PHF21B: variants seen among roughly 807,000 people sequenced by gnomAD.
The protein encoded by PHF21B is PHD finger protein 21B.
PHF21B carries 22 observed loss-of-function variants against 62.2 expected under a neutral mutation model. The observed-to-expected ratio is 0.35, with a 90% CI of 0.25 to 0.51. The LOEUF (loss-of-function observed/expected upper bound fraction) is 0.51. Ranked by LOEUF, PHF21B falls within the 20% of genes least tolerant of loss-of-function variation. PHF21B has a pLI of 0.97. For synonymous variants in PHF21B, 341 were observed against 314.7 expected (o/e 1.08, Z -0.88); for missense variants, 701 against 707.9 (o/e 0.99, Z 0.11).
chr22:44,932,684 G>A (rs2071764881), intron 2 of PHF21B, among the ~76,000 whole-genome samples: 1 of 152,262 alleles, frequency 6.6e-6, no homozygotes, highest in Non-Finnish European at 1.5e-5. Context: ...CCTGGAATCT[G>A]AGGGTGCACC....
intron 12 of PHF21B, among the ~76,000 whole-genome samples, chr22:44,884,882 C>A (rs1429237603): frequency 6.6e-6 from 1 of 151,894 alleles, no homozygotes; most frequent in Non-Finnish European, 1.5e-5. Flanking sequence ...ATCACCATTA[C>A]TACCATCACC....
At chr22:44,897,690 G>A (rs1000613910) in intron 5 of PHF21B, among the ~76,000 whole-genome samples, 1 of 152,106 alleles carries the variant, frequency 6.6e-6, no homozygotes, top group Non-Finnish European at 1.5e-5. Context: ...GATTTACAGG[G>A]AAGTTGCAAG....
intron 2 of PHF21B, chr22:45,002,135 T>A (rs923600470): frequency 2.0e-4 from 30 of 152,246 alleles, no homozygotes; most frequent in African/African-American, 6.5e-4. Context: ...CCTCTCATTT[T>A]AGTAACAGAC....
intron 8 of PHF21B, 41 bp from the exon 9 acceptor site, chr22:44,889,823 T>C: frequency 6.5e-7 from 1 of 1,538,340 alleles, no homozygotes; most frequent in East Asian, 2.5e-5. Context: ...TTAGTGGCCG[T>C]CAGAGGAGCA....
chr22:44,887,813 A>G, intron 10 of PHF21B, 150 bp downstream of exon 10: 1 of 778,898 alleles, frequency 1.3e-6, no homozygotes, highest in Non-Finnish European at 1.8e-6. Context: ...TCAACCAAGG[A>G]TTATCCAGCC....
At chr22:44,900,998 G>A (rs552975085) in intron 5 of PHF21B, among the ~76,000 whole-genome samples, 5 of 152,342 alleles carry the variant, frequency 3.3e-5, no homozygotes, top group Admixed American at 2.6e-4. Flanking sequence ...AAAAAGTGAA[G>A]CATCACCATA....
At chr22:44,963,904 A>C (rs2072473385) in intron 2 of PHF21B, among the ~76,000 whole-genome samples, 1 of 152,250 alleles carries the variant, frequency 6.6e-6, no homozygotes, top group Non-Finnish European at 1.5e-5. Flanking sequence ...CTTTGACTCA[A>C]ATCATTGACT....
rs568804595 is a variant in PHF21B at position 44,971,642 on chromosome 22, C to CTG, written c.120+36902_120+36903insCA. ...ACAACAGGGCCTGGCCCTTGGGCGG[C>CTG]TCTCTCTCTCCCTTCCCAGAAAACT... is the stretch of plus-strand genomic sequence containing the variant. On this transcript the variant is annotated intron_variant, in intron 2 of 12. Transcript: ENST00000313237. Among the ~76,000 whole-genome samples, 1,226 of 152,282 alleles carry CTG rather than the reference C, an allele frequency of 8.1e-3. 9 individuals are homozygous for CTG. The highest frequency in any genetic ancestry group is 0.012 in the Non-Finnish European group (845 of 68,018).
intron 7 of PHF21B, among the ~76,000 whole-genome samples, chr22:44,893,091 C>A (rs2070994642): frequency 6.6e-6 from 1 of 152,148 alleles, no homozygotes; most frequent in South Asian, 2.1e-4. Flanking sequence ...TGCACAGGCT[C>A]TAGACAAGGT....
intron 5 of PHF21B, among the ~76,000 whole-genome samples, chr22:44,905,857 T>A (rs929464884): frequency 6.6e-6 from 1 of 152,214 alleles, no homozygotes; most frequent in Non-Finnish European, 1.5e-5. Flanking sequence ...CTCAATCTCC[T>A]GACCTCGTGA....
At chr22:44,975,108 T>C (rs780513005) in intron 2 of PHF21B, among the ~76,000 whole-genome samples, 2 of 152,260 alleles carry the variant, frequency 1.3e-5, no homozygotes, top group East Asian at 1.9e-4. Context: ...ATCTGCACCC[T>C]TGGCTGAGGG....
chr22:44,931,915 A>G (rs891430078), intron 2 of PHF21B, among the ~76,000 whole-genome samples: 1 of 152,132 alleles, frequency 6.6e-6, no homozygotes, highest in African/African-American at 2.4e-5. Flanking sequence ...GCTCTCAGAG[A>G]AGGACTGGCA....
chr22:44,885,048 C>T (rs1424144738), intron 12 of PHF21B, among the ~76,000 whole-genome samples: 1 of 152,262 alleles, frequency 6.6e-6, no homozygotes, highest in Non-Finnish European at 1.5e-5. Context: ...TGCTGTCAAT[C>T]GCTTGATAAA....
At chr22:44,919,590 G>GA (rs1211703588) in intron 3 of PHF21B, among the ~76,000 whole-genome samples, 3 of 152,210 alleles carry the variant, frequency 2.0e-5, no homozygotes, top group Non-Finnish European at 4.4e-5. Flanking sequence ...TGAGCTGGGG[G>GA]AATCTGTCTA....
intron 2 of PHF21B, among the ~76,000 whole-genome samples, chr22:44,924,554 C>CCT (rs201124783): frequency 1.3e-5 from 2 of 151,806 alleles, no homozygotes; most frequent in East Asian, 3.9e-4. Context: ...GAGTTTGTGT[C>CCT]CTCTCTCTCT....
chr22:44,984,174 CATCACA>C (rs1289193465), intron 2 of PHF21B, among the ~76,000 whole-genome samples: 8 of 148,102 alleles, frequency 5.4e-5, no homozygotes, highest in Non-Finnish European at 9.0e-5. Context: ...CCATCATCAC[CATCACA>C]ACCACCATCA....
chr22:45,009,120 C>T lies in PHF21B; in HGVS notation c.54+376G>A. The T allele has an allele frequency of 2.3e-6, 2 of 860,608 alleles. No homozygotes were observed. Among genetic ancestry groups the T allele is most frequent in the South Asian group, 4.7e-5 (1 of 21,090 alleles). 53.3% of individuals were successfully genotyped at this position (860,608 alleles called of 1,614,324 possible). A position where few individuals can be genotyped will look rare whatever the true frequency, so the allele number is the denominator to read the frequency against. ...ACTACTTCTGCACACCGGGCAGGTT[C>T]GCCCGGGGCGCGGGGGCCCGAGGGG... is the stretch of plus-strand genomic sequence containing the variant. On this transcript the variant is annotated intron_variant, in intron 1 of 12. Coordinates refer to ENST00000313237, the MANE Select transcript of PHF21B (RefSeq NM_138415.5). The surrounding 1 kb of genome is among the most constrained non-coding windows in gnomAD (Gnocchi z 5.9).
At chr22:44,888,619 C>T (rs1171572392) in intron 9 of PHF21B, among the ~76,000 whole-genome samples, 2 of 152,312 alleles carry the variant, frequency 1.3e-5, no homozygotes, top group South Asian at 2.1e-4. Context: ...ACCCTGTACT[C>T]GGCTCTCTGT....
chr22:44,888,555 G>A (rs1015113307), intron 9 of PHF21B, among the ~76,000 whole-genome samples: 1 of 152,164 alleles, frequency 6.6e-6, no homozygotes, highest in African/African-American at 2.4e-5. Flanking sequence ...CTCCCTCCCC[G>A]CCCCCACTGC....
Sources: gnomAD v4.1 joint callset for allele counts (sites outside exome capture counted in the v4.1 genomes callset) on GRCh38, gnomAD v4.1.1 for gene constraint, Gnocchi (gnomAD v3.1) non-coding constraint, MANE v1.5 for transcripts, NCBI Gene and HGNC (gene_info 2026-07-23, HGNC 2026-07-21) for gene names.